The following NCMAP variants were observed in gnomAD, a reference collection of about 807,000 sequenced individuals.
NCMAP encodes non-compact myelin associated protein, also known as noncompact myelin-associated protein.
NCMAP carries 8 observed loss-of-function variants against 7.8 expected under a neutral mutation model. The ratio of observed to expected loss-of-function variants is 1.02; its 90% CI spans 0.60 to 1.84. The LOEUF is 1.84. NCMAP is among the 40% of genes most tolerant of loss of function. The probability of loss-of-function intolerance (pLI) is 0.00; values close to 1 mark genes in which losing one functional copy is unlikely to be tolerated. For synonymous variants in NCMAP, 41 were observed against 52.9 expected, an observed-to-expected ratio of 0.78 and a Z score of 0.98; for missense variants, 112 against 131.4, an observed-to-expected ratio of 0.85 and a Z score of 0.72.
chr1:24,575,976 G>A (rs990355609), intron 1 of NCMAP, among the ~76,000 whole-genome samples: 2 of 148,090 alleles, frequency 1.4e-5, no homozygotes, highest in South Asian at 2.1e-4. Flanking sequence ...AGAAGAAAGC[G>A]CCTTGCCCAC....
chr1:24,607,989 T>C lies in NCMAP; in HGVS notation c.*2242T>C, dbSNP rs1444495644. On this transcript the variant is annotated 3_prime_UTR_variant, in exon 4 of 4. Coordinates refer to ENST00000374392, the MANE Select transcript of NCMAP (RefSeq NM_001010980.5). ...CTGTGGAATAGCTCTGGAGAAATAC[T>C]GGCACATTCTTCCTCTCTGGTCATT... 6.6e-6 allele frequency: 1 copy of C among 152,252 alleles called. No homozygotes were observed. Among genetic ancestry groups the C allele is most frequent in the East Asian group, 1.9e-4 (1 of 5,194 alleles). The allele number at this position is 152,252 out of a possible 1,614,324, so 9.4% of individuals were successfully genotyped here. A position where few individuals can be genotyped will look rare whatever the true frequency, so the allele number is the denominator to read the frequency against.
At chr1:24,563,011 G>C (rs528010341) in intron 1 of NCMAP, among the ~76,000 whole-genome samples, 2 of 152,336 alleles carry the variant, frequency 1.3e-5, no homozygotes, top group Admixed American at 6.5e-5. Context: ...AAAATAATTA[G>C]ACACTTGAGA....
chr1:24,580,935 C>T (rs535484736), intron 1 of NCMAP, among the ~76,000 whole-genome samples: 27 of 152,304 alleles, frequency 1.8e-4, no homozygotes, highest in African/African-American at 2.6e-4. Flanking sequence ...TCGGCTTTTC[C>T]GGCTTTCAAA....
chr1:24,587,733 G>A (rs962224203), intron 1 of NCMAP, among the ~76,000 whole-genome samples: 6 of 151,924 alleles, frequency 3.9e-5, no homozygotes, highest in African/African-American at 7.3e-5. Flanking sequence ...GGCTGGTCTC[G>A]AACTCCTGGG....
chr1:24,599,145 T>C (rs1350290671), intron 2 of NCMAP, among the ~76,000 whole-genome samples: 4 of 151,264 alleles, frequency 2.6e-5, no homozygotes, highest in Non-Finnish European at 5.9e-5. Flanking sequence ...CCAGGTGTAA[T>C]GGCAGGCACC....
chr1:24,575,502 A>G (rs1322635544), intron 1 of NCMAP, among the ~76,000 whole-genome samples: 2 of 152,286 alleles, frequency 1.3e-5, no homozygotes, highest in Middle Eastern at 3.4e-3. Context: ...TGTCTACAAC[A>G]GTGATTTTAA....
rs752003661 is a variant in NCMAP at position 24,605,810 on chromosome 1, G to T, written c.*63G>T. 2 of 1,575,200 alleles carry T rather than the reference G, an allele frequency of 1.3e-6. No homozygotes were observed. Among genetic ancestry groups the T allele is most frequent in the Non-Finnish European group, 1.7e-6 (2 of 1,149,006 alleles). ...GCCTCTCCAGAGTCAAGACCCAGAG[G>T]CACACTCTCTGGCAGCTTCACAATG... On this transcript the variant is annotated 3_prime_UTR_variant, in exon 4 of 4. Coordinates refer to ENST00000374392, the MANE Select transcript of NCMAP (RefSeq NM_001010980.5).
At chr1:24,578,563 T>TCTTTC (rs200361807) in intron 1 of NCMAP, among the ~76,000 whole-genome samples, 1 of 92,470 alleles carries the variant, frequency 1.1e-5, no homozygotes, top group Non-Finnish European at 2.3e-5. Context: ...TTTCTTTCTT[T>TCTTTC]TTTTTTTTTT....
At chr1:24,582,818 C>A (rs1167342197) in intron 1 of NCMAP, among the ~76,000 whole-genome samples, 1 of 98,114 alleles carries the variant, frequency 1.0e-5, no homozygotes, top group East Asian at 2.1e-4. Context: ...ACGTATAGAT[C>A]CTAGCTTTGC....
intron 1 of NCMAP, among the ~76,000 whole-genome samples, chr1:24,574,357 T>G (rs1259876183): frequency 0.013 from 1,988 of 147,520 alleles, 97 homozygotes; most frequent in African/African-American, 0.051. Flanking sequence ...GACCTCAAGT[T>G]ATCTGCCCAC....
Position 24,608,069 on chromosome 1 carries a change from C to T in NCMAP, c.*2322C>T, listed in dbSNP as rs1433304125. 1 of 152,162 alleles carries T rather than the reference C, an allele frequency of 6.6e-6. No homozygotes were observed. Among genetic ancestry groups the T allele is most frequent in the Non-Finnish European group, 1.5e-5 (1 of 68,032 alleles). 9.4% of individuals were successfully genotyped at this position (152,162 alleles called of 1,614,324 possible). A position where few individuals can be genotyped will look rare whatever the true frequency, so the allele number is the denominator to read the frequency against. On this transcript the variant is annotated 3_prime_UTR_variant, in exon 4 of 4. Coordinates refer to ENST00000374392, the MANE Select transcript of NCMAP (RefSeq NM_001010980.5). ...CAAGTGTCAAGGACTTTGTAAGATGCTTTCACATAAATTATCTCATAGGAT... is the reference window on the plus strand; with the variant it reads ...CAAGTGTCAAGGACTTTGTAAGATGTTTTCACATAAATTATCTCATAGGAT...
intron 1 of NCMAP, among the ~76,000 whole-genome samples, chr1:24,564,565 C>T (rs988984959): frequency 8.1e-6 from 1 of 123,458 alleles, no homozygotes; most frequent in Admixed American, 8.6e-5. Context: ...GGAGAGTATA[C>T]GTATGATTCC....
intron 1 of NCMAP, among the ~76,000 whole-genome samples, chr1:24,562,844 G>A (rs751446413): frequency 9.2e-5 from 14 of 152,184 alleles, no homozygotes; most frequent in Non-Finnish European, 1.5e-4. Context: ...CTTCTCTCTG[G>A]GAACTTAAAG....
chr1:24,591,249 G>C (rs377442310), intron 1 of NCMAP, among the ~76,000 whole-genome samples: 1 of 152,094 alleles, frequency 6.6e-6, no homozygotes, highest in Admixed American at 6.6e-5. Flanking sequence ...GTCTTCCTTG[G>C]GGGGCGACTG....
chr1:24,604,591 A>G (rs1184655942), intron 3 of NCMAP, among the ~76,000 whole-genome samples: 1 of 62,736 alleles, frequency 1.6e-5, no homozygotes, highest in Non-Finnish European at 2.7e-5. Flanking sequence ...AAAAAAAAAA[A>G]AAAAAAAAAA....
At chr1:24,557,464 CGTGTGTGTGT>C (rs1236511587) in intron 1 of NCMAP, among the ~76,000 whole-genome samples, 2 of 151,106 alleles carry the variant, frequency 1.3e-5, no homozygotes, top group East Asian at 1.9e-4. Flanking sequence ...CGTGTGTGTG[CGTGTGTGTGT>C]TGGTGGTGGT....
At chr1:24,601,127 C>G in intron 3 of NCMAP, 103 bp downstream of exon 3, 1 of 914,122 alleles carries the variant, frequency 1.1e-6, no homozygotes, top group East Asian at 2.4e-5. Flanking sequence ...CTGGCAGTAT[C>G]CCTCAGCCTT....
At chr1:24,583,113 G>A (rs1651788482) in intron 1 of NCMAP, among the ~76,000 whole-genome samples, 1 of 152,132 alleles carries the variant, frequency 6.6e-6, no homozygotes, top group Non-Finnish European at 1.5e-5. Context: ...AAACTGTTAA[G>A]AGGCAGGCCA....
At chr1:24,556,492 C>T (rs564263908) in intron 1 of NCMAP, among the ~76,000 whole-genome samples, 1 of 152,328 alleles carries the variant, frequency 6.6e-6, no homozygotes, top group African/African-American at 2.4e-5. Flanking sequence ...AGGGAGTCGA[C>T]CTTGACCCGG....
Sources: gnomAD v4.1 joint callset for allele counts (sites outside exome capture counted in the v4.1 genomes callset) on GRCh38, gnomAD v4.1.1 for gene constraint, MANE v1.5 for transcripts, NCBI Gene and HGNC (gene_info 2026-07-23, HGNC 2026-07-21) for gene names.